Variants in SLIT2 observed in about 807,000 individuals in gnomAD.
SLIT2 encodes slit homolog 2 protein.
Under a neutral mutation model 185.7 loss-of-function variants are expected in SLIT2, and 41 were observed. That is an observed-to-expected ratio of 0.22 (90% CI 0.17 to 0.29). The LOEUF (loss-of-function observed/expected upper bound fraction) is 0.29. Among genes scored for constraint, SLIT2 ranks in the 10% least tolerant of loss-of-function variants. The probability of loss-of-function intolerance (pLI) is 1.00; values close to 1 mark genes in which losing one functional copy is unlikely to be tolerated. For synonymous variants in SLIT2, 693 were observed against 680.2 expected, an observed-to-expected ratio of 1.02 and a Z score of -0.29; for missense variants, 1,571 against 1,909.0, an observed-to-expected ratio of 0.82 and a Z score of 3.30.
intron 9 of SLIT2, among the ~76,000 whole-genome samples, chr4:20,495,103 A>G (rs1010863113): frequency 1.3e-5 from 2 of 152,198 alleles, no homozygotes; most frequent in Non-Finnish European, 2.9e-5. Flanking sequence ...AGAAGGTTCC[A>G]TTTTGATAGA....
chr4:20,417,577 A>G (rs903466325), intron 4 of SLIT2, among the ~76,000 whole-genome samples: 2 of 151,318 alleles, frequency 1.3e-5, no homozygotes, highest in African/African-American at 2.4e-5. Flanking sequence ...GCTGGAGTGC[A>G]GTGGTGCGAT....
At chr4:20,558,590 T>G (rs1452678873) in intron 26 of SLIT2, among the ~76,000 whole-genome samples, 1 of 152,068 alleles carries the variant, frequency 6.6e-6, no homozygotes, top group African/African-American at 2.4e-5. Flanking sequence ...TGCGGTAGTC[T>G]GGAACCAAAC....
intron 9 of SLIT2, among the ~76,000 whole-genome samples, chr4:20,509,026 G>C (rs976290471): frequency 6.6e-6 from 1 of 150,976 alleles, no homozygotes. Flanking sequence ...GTGTGTGTGT[G>C]CATGTGTGTG....
At chr4:20,256,315 T>G (rs201402071) in intron 1 of SLIT2, among the ~76,000 whole-genome samples, 72 of 116,856 alleles carry the variant, frequency 6.2e-4, no homozygotes, top group African/African-American at 1.2e-3. Flanking sequence ...AACTTTTTTT[T>G]TGGGGGGGGT....
chr4:20,502,557 C>T (rs949096706), intron 9 of SLIT2, among the ~76,000 whole-genome samples: 12 of 152,106 alleles, frequency 7.9e-5, no homozygotes, highest in African/African-American at 2.7e-4. Flanking sequence ...AGAGGGCTAC[C>T]TTGATCTGCC....
intron 4 of SLIT2, among the ~76,000 whole-genome samples, chr4:20,291,502 T>A (rs1238582433): frequency 5.9e-4 from 31 of 52,614 alleles, no homozygotes; most frequent in South Asian, 1.6e-3. Context: ...ATTTTTTTTT[T>A]TTTTTTTTTT....
intron 4 of SLIT2, among the ~76,000 whole-genome samples, chr4:20,411,503 A>T (rs1195656409): frequency 6.6e-6 from 1 of 152,152 alleles, no homozygotes; most frequent in Non-Finnish European, 1.5e-5. Context: ...CAAACCTCTA[A>T]ACTGACACTC....
intron 4 of SLIT2, among the ~76,000 whole-genome samples, chr4:20,412,456 A>G (rs1373331782): frequency 6.6e-6 from 1 of 152,158 alleles, no homozygotes; most frequent in Non-Finnish European, 1.5e-5. Flanking sequence ...CTCAACCTAT[A>G]TCAGAACTGC....
rs73093139 is a variant in SLIT2 at position 20,585,156 on chromosome 4, C to G, written c.3089-4488C>G. Among the ~76,000 whole-genome samples the G allele has an allele frequency of 1.1e-3, 174 of 152,292 alleles. 1 individual carries two copies. Among genetic ancestry groups the G allele is most frequent in the African/African-American group, 4.0e-3 (168 of 41,568 alleles). The stretch of plus-strand genomic sequence containing the variant: ...GCACTTTTTCTTAAGAAAGTTCTGG[C>G]ATTCGCAGATATTGGTTACCAGCAA... On this transcript the variant is annotated intron_variant, in intron 29 of 36. Transcript: ENST00000504154.
intron 29 of SLIT2, among the ~76,000 whole-genome samples, chr4:20,588,463 T>C (rs557396459): frequency 6.6e-6 from 1 of 152,348 alleles, no homozygotes; most frequent in East Asian, 1.9e-4. Context: ...TTTTAACCGA[T>C]GCTGTTACAA....
intron 4 of SLIT2, among the ~76,000 whole-genome samples, chr4:20,292,357 TC>T (rs1449880480): frequency 1.3e-5 from 2 of 152,212 alleles, no homozygotes; most frequent in Non-Finnish European, 2.9e-5. Context: ...TTCAGTATTT[TC>T]TTTTGTAAAA....
chr4:20,351,238 G>A (rs547362205), intron 4 of SLIT2, among the ~76,000 whole-genome samples: 6 of 151,894 alleles, frequency 4.0e-5, no homozygotes, highest in East Asian at 3.9e-4. Context: ...TAGTAGAAAC[G>A]GAGTTTTGCC....
At chr4:20,603,184 CAA>C (rs1272795411) in intron 33 of SLIT2, among the ~76,000 whole-genome samples, 3 of 152,086 alleles carry the variant, frequency 2.0e-5, no homozygotes, top group Admixed American at 6.6e-5. Context: ...TGGTGGCAGA[CAA>C]GAGAGAATTG....
intron 4 of SLIT2, among the ~76,000 whole-genome samples, chr4:20,412,472 T>C (rs1303560550): frequency 6.6e-6 from 1 of 152,156 alleles, no homozygotes; most frequent in Non-Finnish European, 1.5e-5. Context: ...ACTGCTGATT[T>C]AATATAAAAG....
At chr4:20,543,630 A>G (rs1049174390) in intron 21 of SLIT2, among the ~76,000 whole-genome samples, 1 of 152,234 alleles carries the variant, frequency 6.6e-6, no homozygotes, top group Non-Finnish European at 1.5e-5. Context: ...AGTGTGCAAC[A>G]TAGGTAATGA....
intron 26 of SLIT2, among the ~76,000 whole-genome samples, chr4:20,565,158 C>T (rs1223343811): frequency 1.3e-5 from 2 of 151,922 alleles, no homozygotes; most frequent in Admixed American, 6.6e-5. Context: ...TACAAACTGC[C>T]AACCCCAAAC....
At chr4:20,463,398 A>G (rs2148733566) in intron 4 of SLIT2, among the ~76,000 whole-genome samples, 1 of 145,422 alleles carries the variant, frequency 6.9e-6, no homozygotes, top group South Asian at 2.2e-4. Flanking sequence ...TTTCTCAGAT[A>G]CCACTCATAA....
chr4:20,441,502 C>CT (rs1729737434), intron 4 of SLIT2, among the ~76,000 whole-genome samples: 1 of 139,206 alleles, frequency 7.2e-6, no homozygotes, highest in African/African-American at 2.8e-5. Context: ...CTCTCTCTCT[C>CT]GCCCCCCCCC....
intron 4 of SLIT2, among the ~76,000 whole-genome samples, chr4:20,295,790 G>T (rs555899083): frequency 6.6e-6 from 1 of 152,244 alleles, no homozygotes; most frequent in African/African-American, 2.4e-5. Flanking sequence ...AGGCATAATT[G>T]TAAGGGAATC....
Sources: allele counts gnomAD v4.1 joint callset (sites outside exome capture counted in the v4.1 genomes callset), GRCh38; gene constraint gnomAD v4.1.1; transcripts MANE v1.5; gene names NCBI Gene and HGNC (gene_info 2026-07-23, HGNC 2026-07-21).